The following RAB3GAP2 variants were observed in gnomAD, a reference collection of about 807,000 sequenced individuals.
RAB3GAP2 encodes RAB3 GTPase activating non-catalytic protein subunit 2, also known as rab3 GTPase-activating protein non-catalytic subunit.
A neutral mutation model predicts 185.3 loss-of-function variants in RAB3GAP2; 87 were observed. The observed-to-expected ratio is 0.47, with a 90% CI of 0.39 to 0.56. RAB3GAP2 has a LOEUF of 0.56. Ranked by LOEUF, RAB3GAP2 falls within the 20% of genes least tolerant of loss-of-function variation. The pLI is 0.00. For missense variants in RAB3GAP2, 1,492 were observed against 1,638.2 expected, an observed-to-expected ratio of 0.91 and a Z score of 1.54; for synonymous variants, 554 against 576.1, an observed-to-expected ratio of 0.96 and a Z score of 0.55.
At chr1:220,155,316 A>T (rs1384149896) in intron 31 of RAB3GAP2, among the ~76,000 whole-genome samples, 1 of 152,198 alleles carries the variant, frequency 6.6e-6, no homozygotes, top group Non-Finnish European at 1.5e-5. Flanking sequence ...TGTGCCTTCC[A>T]TACCTAATCA....
At chr1:220,200,436 C>T in intron 9 of RAB3GAP2, 1 of 387,690 alleles carries the variant, frequency 2.6e-6, no homozygotes, top group South Asian at 2.1e-5. Flanking sequence ...GGGGTCCTAT[C>T]TTGTATTTCT....
rs1202535013 is a variant in RAB3GAP2, at chr1:220,249,479, A to G, written c.116-16616T>C. Among the ~76,000 whole-genome samples, 5 of 152,336 alleles carry G rather than the reference A, an allele frequency of 3.3e-5. No individual in the cohort carries two copies. In the East Asian group the frequency reaches 9.6e-4, roughly 29 times the overall value. ...GAATGGGAACTTGTGTTTAAAAGGG[A>G]AGCAGAGCATAAAAGTTTGAAAAAT... is the stretch of plus-strand genomic sequence containing the variant. On this transcript the variant is annotated intron_variant, in intron 1 of 34. Transcript: ENST00000358951.
intron 2 of RAB3GAP2, among the ~76,000 whole-genome samples, chr1:220,227,823 C>T (rs1659428421): frequency 6.6e-6 from 1 of 152,264 alleles, no homozygotes; most frequent in African/African-American, 2.4e-5. Flanking sequence ...GTAATCTCGG[C>T]TCACTGCAAC....
rs958629908 is a variant in RAB3GAP2 at position 220,192,547 on chromosome 1, G to A, written c.1270+693C>T. ...CAAGTCTCCCTTATAGTTAGATGAG[G>A]CCATGTCACTAAGTCCTGGCTAATG... On this transcript the variant is annotated intron_variant, in intron 13 of 34. Coordinates refer to ENST00000358951, the MANE Select transcript of RAB3GAP2 (RefSeq NM_012414.4). Among the ~76,000 whole-genome samples the A allele has an allele frequency of 2.6e-5, 4 of 152,214 alleles. No individual in the cohort carries two copies. The South Asian group carries it at 6.2e-4, about 24-fold the overall frequency.
At chr1:220,198,958 T>C (rs1658785204) in intron 9 of RAB3GAP2, among the ~76,000 whole-genome samples, 1 of 152,058 alleles carries the variant, frequency 6.6e-6, no homozygotes, top group Non-Finnish European at 1.5e-5. Flanking sequence ...CTAGCTAAAG[T>C]TTTCCAGGCA....
intron 2 of RAB3GAP2, chr1:220,219,371 A>G (rs1467031382): frequency 6.6e-6 from 1 of 152,248 alleles, no homozygotes; most frequent in Non-Finnish European, 1.5e-5. Context: ...CAAGCTCTAA[A>G]AAGAATAAGT....
Position 220,167,543 on chromosome 1 carries a change from A to G in RAB3GAP2, c.2939T>C (p.Leu980Pro), listed in dbSNP as rs74407555. The stretch of plus-strand genomic sequence containing the variant: ...GTCCATCTCCATCTCTGATACCTCA[A>G]GGAAACTTCTGTTAACACCTTCTTT... ...EPKEGVNRSFLEVSEMEMDLG... is the reference protein window; with the variant it reads ...EPKEGVNRSFPEVSEMEMDLG... The change falls in exon 25 of 35, where the codon CTT (leucine) becomes CCT (proline). Residue 980 changes from leucine to proline, a missense_variant. Leu to Pro is a moderately conservative substitution (Grantham distance 98, BLOSUM62 -3). Transcript: ENST00000358951. 4 of 1,614,180 alleles carry G rather than the reference A, an allele frequency of 2.5e-6. No individual in the cohort carries two copies. The highest frequency in any genetic ancestry group is 1.7e-5 in the Admixed American group (1 of 60,028).
chr1:220,216,804 T>C (rs1167758623), intron 2 of RAB3GAP2, among the ~76,000 whole-genome samples: 1 of 152,188 alleles, frequency 6.6e-6, no homozygotes, highest in Admixed American at 6.5e-5. Flanking sequence ...TGAGCATCTA[T>C]ACAAATAGAT....
chr1:220,220,745 C>CAAGTTCCGA (rs1295941668), intron 2 of RAB3GAP2, among the ~76,000 whole-genome samples: 2 of 152,166 alleles, frequency 1.3e-5, no homozygotes, highest in Non-Finnish European at 2.9e-5. Flanking sequence ...ATGAGTCTCA[C>CAAGTTCCGA]AAGTTCCGAT....
At chr1:220,154,379 T>G (rs1470968348) in intron 31 of RAB3GAP2, 2 of 287,024 alleles carry the variant, frequency 7.0e-6, no homozygotes, top group Non-Finnish European at 6.7e-6. Flanking sequence ...AAAGACTGCT[T>G]CTTCTGCCTT....
chr1:220,261,169 T>A (rs1057275745), intron 1 of RAB3GAP2, among the ~76,000 whole-genome samples: 1 of 152,172 alleles, frequency 6.6e-6, no homozygotes, highest in Non-Finnish European at 1.5e-5. Context: ...AGACTCACAT[T>A]GTACAAAGAA....
intron 2 of RAB3GAP2, among the ~76,000 whole-genome samples, chr1:220,232,179 A>G (rs1659514118): frequency 6.6e-6 from 1 of 152,216 alleles, no homozygotes; most frequent in Admixed American, 6.5e-5. Flanking sequence ...TATGAAAGAT[A>G]AAGAATCCTA....
At position 220,184,043 on chromosome 1, in the gene RAB3GAP2, G is replaced by T; in HGVS notation, c.1991C>A (p.Ser664Tyr). 1 of 1,568,290 alleles carries T rather than the reference G, an allele frequency of 6.4e-7. No homozygotes were observed. Among genetic ancestry groups the T allele is most frequent in the South Asian group, 1.1e-5 (1 of 89,082 alleles). Residue 664 changes from serine (S) to tyrosine (Y), a missense_variant, in exon 19 of 35, where the codon TCT becomes TAT. Physicochemically the swap from Ser to Tyr is moderately radical, Grantham distance 144. Transcript: ENST00000358951. ...AAATGTGGGATTACTCACATTATCA[G>T]AGAATGGTGTGTCTAAATGAAAATC... ...SLDFHLDTPF[S>Y]DNDLALLLRL...
At chr1:220,211,191 G>GCACA in intron 4 of RAB3GAP2, 189 bp from the exon 5 acceptor site, 1 of 691,060 alleles carries the variant, frequency 1.4e-6, no homozygotes. Context: ...CACACAAAAT[G>GCACA]TAATGCCACA....
At chr1:220,209,974 T>C (rs975705150) in intron 7 of RAB3GAP2, among the ~76,000 whole-genome samples, 2 of 152,196 alleles carry the variant, frequency 1.3e-5, no homozygotes, top group Admixed American at 1.3e-4. Context: ...ACCCCTTTTC[T>C]GAGAAACAGT....
intron 9 of RAB3GAP2, 44 bp from the exon 10 acceptor site, chr1:220,196,442 G>C (rs376304320): frequency 5.9e-6 from 9 of 1,519,466 alleles, no homozygotes; most frequent in Non-Finnish European, 8.2e-6. Context: ...ATGTTATTGC[G>C]GTCATTACAT....
At chr1:220,203,960 T>C (rs1189051664) in intron 8 of RAB3GAP2, among the ~76,000 whole-genome samples, 1 of 152,184 alleles carries the variant, frequency 6.6e-6, no homozygotes, top group Non-Finnish European at 1.5e-5. Flanking sequence ...TGTTAAAATA[T>C]GGAAAAGAAA....
intron 10 of RAB3GAP2, 85 bp from the exon 11 acceptor site, chr1:220,195,462 G>A: frequency 7.7e-7 from 1 of 1,293,594 alleles, no homozygotes; most frequent in East Asian, 2.3e-5. Flanking sequence ...ACTTTAAAAT[G>A]CTTTGAAAAG....
intron 21 of RAB3GAP2, among the ~76,000 whole-genome samples, chr1:220,176,895 T>C (rs1447056716): frequency 6.6e-6 from 1 of 152,102 alleles, no homozygotes; most frequent in Non-Finnish European, 1.5e-5. Flanking sequence ...CAGTCTCAGC[T>C]CAAGCCCCTC....
Sources: allele counts gnomAD v4.1 joint callset (sites outside exome capture counted in the v4.1 genomes callset), GRCh38; gene constraint gnomAD v4.1.1; transcripts MANE v1.5; gene names NCBI Gene and HGNC (gene_info 2026-07-23, HGNC 2026-07-21).